Variants in MNAT1 observed in about 807,000 individuals in gnomAD.
MNAT1 encodes CDK-activating kinase assembly factor MAT1.
Under a neutral mutation model 42.0 loss-of-function variants are expected in MNAT1, and 43 were observed. The ratio of observed to expected loss-of-function variants is 1.02; its 90% confidence interval spans 0.80 to 1.32. The LOEUF (loss-of-function observed/expected upper bound fraction) is 1.32, where lower values mean the gene tolerates loss of function less well. Among genes scored for constraint, MNAT1 ranks in the 40% most tolerant of loss-of-function variants. The pLI is 0.00. For missense variants in MNAT1, 306 were observed against 350.4 expected (o/e 0.87, Z 1.01); for synonymous variants, 118 against 120.0 (o/e 0.98, Z 0.11).
chr14:60,841,119 T>TTCTCTC (rs975332662), intron 6 of MNAT1, among the ~76,000 whole-genome samples: 1 of 151,182 alleles, frequency 6.6e-6, no homozygotes, highest in African/African-American at 2.4e-5. Flanking sequence ...TTCTTACTGA[T>TTCTCTC]TCTCTCTCTC....
intron 7 of MNAT1, among the ~76,000 whole-genome samples, chr14:60,953,169 G>A (rs144765227): frequency 5.6e-4 from 85 of 151,966 alleles, no homozygotes; most frequent in East Asian, 5.0e-3. Context: ...AACTTATAAG[G>A]GTATACATAG....
rs556219147 is a variant in MNAT1 at position 60,832,012 on chromosome 14, T to A, written c.687+13165T>A. Among the ~76,000 whole-genome samples the A allele has an allele frequency of 3.3e-5, 5 of 152,364 alleles. No individual in the cohort carries two copies. In the South Asian group the frequency reaches 8.3e-4, roughly 25 times the overall value. On this transcript the variant is annotated intron_variant, in intron 6 of 7. Transcript: ENST00000261245. ...TGTCTGTTCATATCCTTTGCCCACT[T>A]TTTGATGGGATTGTTTGTTTTTTTT... is the stretch of plus-strand genomic sequence containing the variant.
At chr14:60,760,764 C>T (rs749615983) in intron 1 of MNAT1, among the ~76,000 whole-genome samples, 1 of 152,158 alleles carries the variant, frequency 6.6e-6, no homozygotes, top group South Asian at 2.1e-4. Flanking sequence ...AAGGAAAAAT[C>T]GTTCTCCTCT....
At chr14:60,810,254 AAG>A (rs2032501738) in intron 4 of MNAT1, among the ~76,000 whole-genome samples, 1 of 152,054 alleles carries the variant, frequency 6.6e-6, no homozygotes, top group Admixed American at 6.5e-5. Context: ...TAGTCTTGCA[AAG>A]AGTTTGTCAA....
chr14:60,761,262 T>C (rs1248285139), intron 1 of MNAT1, among the ~76,000 whole-genome samples: 1 of 152,210 alleles, frequency 6.6e-6, no homozygotes, highest in East Asian at 1.9e-4. Flanking sequence ...ATTCTAGGAA[T>C]AGTCAAGTTC....
chr14:60,780,430 TG>T, intron 1 of MNAT1: 4 of 1,554,004 alleles, frequency 2.6e-6, no homozygotes, highest in Non-Finnish European at 3.6e-6. Flanking sequence ...CTTGTTCATT[TG>T]ATCTGCTGAT....
chr14:60,886,375 C>A (rs1047116821), intron 7 of MNAT1, among the ~76,000 whole-genome samples: 7 of 151,976 alleles, frequency 4.6e-5, no homozygotes, highest in Non-Finnish European at 7.4e-5. Flanking sequence ...TTCTTACGGA[C>A]ATGGGATTTG....
chr14:60,837,361 G>A (rs1228948673), intron 6 of MNAT1, among the ~76,000 whole-genome samples: 3 of 152,218 alleles, frequency 2.0e-5, no homozygotes, highest in Non-Finnish European at 4.4e-5. Flanking sequence ...AGGCACCTGA[G>A]GGAATCTCTT....
chr14:60,935,232 CA>C (rs1329951887), intron 7 of MNAT1, among the ~76,000 whole-genome samples: 4 of 151,990 alleles, frequency 2.6e-5, no homozygotes, highest in African/African-American at 9.7e-5. Context: ...GGCCATATTT[CA>C]GGCAATTGTC....
intron 7 of MNAT1, among the ~76,000 whole-genome samples, chr14:60,890,271 A>G (rs2034804419): frequency 1.3e-5 from 2 of 152,158 alleles, no homozygotes; most frequent in South Asian, 2.1e-4. Flanking sequence ...CATTTGTTAA[A>G]CCAACCTTGC....
intron 1 of MNAT1, among the ~76,000 whole-genome samples, chr14:60,794,945 C>G (rs559177049): frequency 6.6e-6 from 1 of 151,822 alleles, no homozygotes; most frequent in South Asian, 2.1e-4. Flanking sequence ...GCGTTAGGCA[C>G]TGCGGATAGA....
chr14:60,875,918 G>A (rs1228575589), intron 6 of MNAT1, among the ~76,000 whole-genome samples: 2 of 152,022 alleles, frequency 1.3e-5, no homozygotes, highest in Admixed American at 1.3e-4. Context: ...TCTAATTTCT[G>A]AAATGCACAC....
intron 1 of MNAT1, among the ~76,000 whole-genome samples, chr14:60,775,862 T>C (rs1035480379): frequency 1.3e-5 from 2 of 152,188 alleles, no homozygotes; most frequent in Non-Finnish European, 2.9e-5. Context: ...TATGAAATGG[T>C]TCATTCAGGG....
chr14:60,818,940 C>A, intron 6 of MNAT1, 93 bp downstream of exon 6: 1 of 1,410,516 alleles, frequency 7.1e-7, no homozygotes, highest in Non-Finnish European at 9.6e-7. Flanking sequence ...CCGAAATGTT[C>A]AGATGTTTAA....
At chr14:60,945,934 G>A (rs2036264680) in intron 7 of MNAT1, among the ~76,000 whole-genome samples, 1 of 152,040 alleles carries the variant, frequency 6.6e-6, no homozygotes, top group East Asian at 1.9e-4. Flanking sequence ...CAGAGAAAAC[G>A]TATGTATGAA....
intron 6 of MNAT1, among the ~76,000 whole-genome samples, chr14:60,856,943 T>C (rs943474602): frequency 1.3e-5 from 2 of 152,116 alleles, no homozygotes; most frequent in African/African-American, 2.4e-5. Context: ...CCTCCCAAAG[T>C]GCTGAGATTA....
At chr14:60,762,886 A>G (rs2030668101) in intron 1 of MNAT1, among the ~76,000 whole-genome samples, 2 of 152,134 alleles carry the variant, frequency 1.3e-5, no homozygotes, top group South Asian at 4.1e-4. Flanking sequence ...TATATAAACA[A>G]AATAAAGAAA....
chr14:60,949,307 A>C (rs542509513), intron 7 of MNAT1, among the ~76,000 whole-genome samples: 4 of 152,168 alleles, frequency 2.6e-5, no homozygotes, highest in African/African-American at 7.2e-5. Context: ...TTTGAACCTA[A>C]GGATGACAGG....
At chr14:60,948,571 C>A (rs1051721974) in intron 7 of MNAT1, among the ~76,000 whole-genome samples, 1 of 152,138 alleles carries the variant, frequency 6.6e-6, no homozygotes, top group African/African-American at 2.4e-5. Context: ...GGCAAATTAT[C>A]ATTTTCCTTT....
Sources: gnomAD v4.1 joint callset for allele counts (sites outside exome capture counted in the v4.1 genomes callset) on GRCh38, gnomAD v4.1.1 for gene constraint, MANE v1.5 for transcripts, NCBI Gene and HGNC (gene_info 2026-07-23, HGNC 2026-07-21) for gene names.